Variants in SOX6 observed in about 807,000 individuals in gnomAD.
SOX6 encodes the protein SRY-box transcription factor 6.
A neutral mutation model predicts 97.8 loss-of-function variants in SOX6; 11 were observed. The ratio of observed to expected loss-of-function variants is 0.11; its 90% CI spans 0.07 to 0.19. The LOEUF is 0.19. Ranked by LOEUF, SOX6 falls within the 10% of genes least tolerant of loss-of-function variation. The pLI, the probability that SOX6 is intolerant of heterozygous loss-of-function variation, is 1.00. For missense variants in SOX6, 810 were observed against 1,039.5 expected (o/e 0.78, Z 3.04); for synonymous variants, 360 against 371.4 (o/e 0.97, Z 0.35).
chr11:16,724,902 C>G (rs1317289029), intron 2 of SOX6, among the ~76,000 whole-genome samples: 1 of 152,150 alleles, frequency 6.6e-6, no homozygotes, highest in Non-Finnish European at 1.5e-5. Context: ...ACTCTTTATA[C>G]ACTGCTGGTG....
intron 1 of SOX6, among the ~76,000 whole-genome samples, chr11:16,469,579 T>C (rs565852231): frequency 1.3e-4 from 20 of 152,268 alleles, no homozygotes; most frequent in African/African-American, 4.3e-4. Flanking sequence ...TCCTCTTCAC[T>C]GTTTATTCCA....
intron 4 of SOX6, among the ~76,000 whole-genome samples, chr11:16,595,724 T>C (rs934897500): frequency 2.6e-5 from 4 of 151,964 alleles, no homozygotes; most frequent in Admixed American, 6.6e-5. Context: ...TGAGCCATGA[T>C]TGTACCACCG....
Position 16,014,848 on chromosome 11 carries a change from TC to T in SOX6, c.1732+93del, listed in dbSNP as rs1854833863. The T allele has an allele frequency of 1.7e-5, 20 of 1,145,976 alleles. No homozygotes were observed. In the South Asian group the frequency reaches 2.4e-4, roughly 14 times the overall value. 71.0% of individuals were successfully genotyped at this position (1,145,976 alleles called of 1,614,324 possible). ...TTTGCCTAAGAAATCTAGTGATGAC[TC>T]CTATGAAAAACTATAAAGATCCTAT... On this transcript the variant is annotated intron_variant, in intron 13 of 15. Coordinates refer to ENST00000683767, the MANE Select transcript of SOX6 (RefSeq NM_001367873.1).
At chr11:16,064,843 A>C (rs921430202) in intron 9 of SOX6, among the ~76,000 whole-genome samples, 1 of 151,948 alleles carries the variant, frequency 6.6e-6, no homozygotes, top group African/African-American at 2.4e-5. Flanking sequence ...CCCTAAAAAA[A>C]CTGGGGATAG....
chr11:16,118,601 C>A (rs1179180185), intron 6 of SOX6, among the ~76,000 whole-genome samples: 1 of 152,058 alleles, frequency 6.6e-6, no homozygotes, highest in Non-Finnish European at 1.5e-5. Flanking sequence ...ATTGTTTGTC[C>A]CCGAAGACTT....
At chr11:16,626,161 G>C (rs747715203) in intron 3 of SOX6, among the ~76,000 whole-genome samples, 5 of 152,108 alleles carry the variant, frequency 3.3e-5, no homozygotes, top group Non-Finnish European at 5.9e-5. Context: ...GCTTGGTGTG[G>C]GAAAAATAAA....
chr11:16,118,146 T>C (rs991482450), intron 6 of SOX6, among the ~76,000 whole-genome samples: 1 of 152,180 alleles, frequency 6.6e-6, no homozygotes, highest in East Asian at 1.9e-4. Context: ...GTAAGCACTA[T>C]CTGGCTGGGT....
chr11:16,186,044 A>G (rs1851464910), intron 5 of SOX6, among the ~76,000 whole-genome samples: 1 of 152,176 alleles, frequency 6.6e-6, no homozygotes, highest in Admixed American at 6.5e-5. Flanking sequence ...TTGTTAGATT[A>G]ATGTACTCTT....
At chr11:16,332,983 G>T (rs11023916) in intron 2 of SOX6, among the ~76,000 whole-genome samples, 1 of 152,192 alleles carries the variant, frequency 6.6e-6, no homozygotes, top group Non-Finnish European at 1.5e-5. Context: ...AGAAAGATTA[G>T]ATATATTTGT....
chr11:16,239,721 G>A (rs1853127529), intron 3 of SOX6, among the ~76,000 whole-genome samples: 1 of 151,988 alleles, frequency 6.6e-6, no homozygotes, highest in African/African-American at 2.4e-5. Context: ...GCTCTGCCAG[G>A]AGGAGCTGGA....
chr11:16,074,857 T>C (rs367591338), intron 9 of SOX6, among the ~76,000 whole-genome samples: 6 of 152,160 alleles, frequency 3.9e-5, no homozygotes, highest in African/African-American at 1.4e-4. Context: ...TTCATAGATA[T>C]AGAAACATCT....
intron 6 of SOX6, among the ~76,000 whole-genome samples, chr11:16,147,733 T>C (rs1404834172): frequency 6.6e-6 from 1 of 152,198 alleles, no homozygotes; most frequent in Non-Finnish European, 1.5e-5. Context: ...CCCATCCACA[T>C]GGAATAAAAA....
intron 3 of SOX6, among the ~76,000 whole-genome samples, chr11:16,284,911 A>T (rs1456260404): frequency 6.6e-6 from 1 of 152,144 alleles, no homozygotes; most frequent in Non-Finnish European, 1.5e-5. Context: ...CACATGTCCT[A>T]AGGTCTAAAC....
chr11:16,417,896 C>A (rs1490497754), intron 1 of SOX6, among the ~76,000 whole-genome samples: 1 of 152,116 alleles, frequency 6.6e-6, no homozygotes, highest in African/African-American at 2.4e-5. Context: ...TCTCTGAGTT[C>A]ATTCTGTAAC....
chr11:16,369,996 A>G (rs1245304977), intron 1 of SOX6, among the ~76,000 whole-genome samples: 1 of 151,872 alleles, frequency 6.6e-6, no homozygotes, highest in Non-Finnish European at 1.5e-5. Flanking sequence ...CCCTCCCAAT[A>G]CCAGCTGCCT....
At chr11:16,715,478 GT>G (rs1294068420) in intron 2 of SOX6, among the ~76,000 whole-genome samples, 1 of 151,798 alleles carries the variant, frequency 6.6e-6, no homozygotes, top group Non-Finnish European at 1.5e-5. Context: ...AGTTTTTGGT[GT>G]TTTTATTTTC....
intron 1 of SOX6, among the ~76,000 whole-genome samples, chr11:16,433,978 A>G (rs563544618): frequency 6.6e-6 from 1 of 152,170 alleles, no homozygotes; most frequent in South Asian, 2.1e-4. Flanking sequence ...AACCATATGT[A>G]CCCTTCTAGT....
At chr11:16,563,381 G>A (rs980873813) in intron 4 of SOX6, among the ~76,000 whole-genome samples, 4 of 152,166 alleles carry the variant, frequency 2.6e-5, no homozygotes, top group African/African-American at 7.2e-5. Flanking sequence ...GGAGTTTTAT[G>A]CTGCAGTGTG....
chr11:16,164,504 A>C (rs1038082832), intron 6 of SOX6, among the ~76,000 whole-genome samples: 5 of 152,158 alleles, frequency 3.3e-5, no homozygotes, highest in African/African-American at 1.2e-4. Flanking sequence ...ATACATGGAC[A>C]TTTTGTCTCT....
Sources: gnomAD v4.1 joint callset for allele counts (sites outside exome capture counted in the v4.1 genomes callset) on GRCh38, gnomAD v4.1.1 for gene constraint, MANE v1.5 for transcripts, NCBI Gene and HGNC (gene_info 2026-07-23, HGNC 2026-07-21) for gene names.